CNTNAP2: variants seen among roughly 807,000 people sequenced by gnomAD.
CNTNAP2 encodes the protein contactin-associated protein-like 2.
In CNTNAP2, 98 loss-of-function variants were observed where a neutral mutation model predicts 155.2. The observed-to-expected ratio is 0.63, with a 90% CI of 0.54 to 0.75. The LOEUF (loss-of-function observed/expected upper bound fraction) is 0.75, where lower values mean the gene tolerates loss of function less well. CNTNAP2 is among the 30% of genes least tolerant of loss of function. CNTNAP2 has a pLI of 0.00. For synonymous variants in CNTNAP2, 651 were observed against 631.2 expected (o/e 1.03, Z -0.47); for missense variants, 1,727 against 1,688.1 (o/e 1.02, Z -0.40).
intron 13 of CNTNAP2, among the ~76,000 whole-genome samples, chr7:147,872,055 C>A (rs1403219329): frequency 6.6e-6 from 1 of 152,228 alleles, no homozygotes; most frequent in Non-Finnish European, 1.5e-5. Context: ...GAAAGAGAAT[C>A]TACTCCTCCT....
chr7:146,325,732 T>C (rs1801086946), intron 1 of CNTNAP2, among the ~76,000 whole-genome samples: 1 of 152,134 alleles, frequency 6.6e-6, no homozygotes, highest in Non-Finnish European at 1.5e-5. Context: ...TCTTTCCATC[T>C]TCCTTCATTC....
intron 22 of CNTNAP2, among the ~76,000 whole-genome samples, chr7:148,390,669 TC>T (rs113148152): frequency 8.7e-4 from 133 of 152,298 alleles, no homozygotes; most frequent in African/African-American, 3.1e-3. Context: ...ATCTTTCTGC[TC>T]CCATACCTGT....
chr7:148,063,635 T>G (rs1229033407), intron 15 of CNTNAP2, among the ~76,000 whole-genome samples: 1 of 151,794 alleles, frequency 6.6e-6, no homozygotes, highest in Non-Finnish European at 1.5e-5. Context: ...AGTGTTTAGT[T>G]ACATGGAAAA....
chr7:147,136,116 C>T (rs1465268797), intron 8 of CNTNAP2, among the ~76,000 whole-genome samples: 1 of 151,432 alleles, frequency 6.6e-6, no homozygotes, highest in Admixed American at 6.6e-5. Flanking sequence ...TAGAACAATA[C>T]TCAGTTGTCG....
chr7:146,434,807 A>G (rs1584923852), intron 1 of CNTNAP2, among the ~76,000 whole-genome samples: 1 of 151,742 alleles, frequency 6.6e-6, no homozygotes, highest in Non-Finnish European at 1.5e-5. Context: ...ATATTGTTTT[A>G]TACTTAATTC....
At chr7:146,809,425 G>A (rs146340351) in intron 2 of CNTNAP2, among the ~76,000 whole-genome samples, 2 of 151,926 alleles carry the variant, frequency 1.3e-5, no homozygotes, top group African/African-American at 2.4e-5. Context: ...GCAGTGGTGC[G>A]GTGTCGGCTC....
chr7:148,126,536 C>T (rs536145995), intron 16 of CNTNAP2, among the ~76,000 whole-genome samples: 16 of 152,064 alleles, frequency 1.1e-4, no homozygotes, highest in Middle Eastern at 3.4e-3. Context: ...GCAGTTTGGG[C>T]GGTAAGAAGA....
intron 3 of CNTNAP2, among the ~76,000 whole-genome samples, chr7:147,003,133 GT>G (rs1042109130): frequency 2.6e-5 from 4 of 151,936 alleles, no homozygotes; most frequent in African/African-American, 9.7e-5. Flanking sequence ...CATAAAGAGA[GT>G]GCTACATAAA....
At chr7:147,797,236 C>G (rs1797911981) in intron 13 of CNTNAP2, among the ~76,000 whole-genome samples, 1 of 152,226 alleles carries the variant, frequency 6.6e-6, no homozygotes, top group Non-Finnish European at 1.5e-5. Flanking sequence ...TCTGAGACAC[C>G]TGTGCTTATT....
intron 15 of CNTNAP2, among the ~76,000 whole-genome samples, chr7:147,997,701 G>A (rs140156930): frequency 3.0e-4 from 45 of 152,304 alleles, no homozygotes; most frequent in African/African-American, 1.1e-3. Context: ...GTGGGCTGCC[G>A]GGGAGGATGA....
At chr7:147,217,129 G>T (rs1477280444) in intron 8 of CNTNAP2, among the ~76,000 whole-genome samples, 11 of 151,914 alleles carry the variant, frequency 7.2e-5, no homozygotes, top group Non-Finnish European at 1.5e-5. Flanking sequence ...GAAAAAACAT[G>T]ATTTCTTCCT....
chr7:147,434,742 A>G (rs1223656552), intron 10 of CNTNAP2, among the ~76,000 whole-genome samples: 1 of 152,220 alleles, frequency 6.6e-6, no homozygotes. Context: ...CTTTAGTTGT[A>G]CATGGAGCAC....
intron 1 of CNTNAP2, among the ~76,000 whole-genome samples, chr7:146,384,908 T>C (rs1277376275): frequency 6.6e-6 from 1 of 152,204 alleles, no homozygotes; most frequent in Non-Finnish European, 1.5e-5. Context: ...ATAATAATAA[T>C]TGAGGGCGGT....
intron 12 of CNTNAP2, among the ~76,000 whole-genome samples, chr7:147,636,628 T>C (rs1795185468): frequency 1.3e-5 from 2 of 152,128 alleles, no homozygotes; most frequent in South Asian, 4.1e-4. Context: ...TGGTGTGTGA[T>C]ATTCTCCTTT....
intron 1 of CNTNAP2, among the ~76,000 whole-genome samples, chr7:146,492,539 C>G (rs1464445369): frequency 2.0e-5 from 3 of 152,106 alleles, no homozygotes; most frequent in African/African-American, 7.2e-5. Flanking sequence ...AGGTGTCAAA[C>G]CAACTCCTTT....
chr7:147,598,635 T>C (rs1235607893), intron 12 of CNTNAP2, among the ~76,000 whole-genome samples: 1 of 152,204 alleles, frequency 6.6e-6, no homozygotes, highest in Non-Finnish European at 1.5e-5. Flanking sequence ...CCCTACACTG[T>C]GAGCTTACTA....
intron 8 of CNTNAP2, among the ~76,000 whole-genome samples, chr7:147,292,769 CTGTTTGTT>C (rs142720201): frequency 6.6e-6 from 1 of 151,722 alleles, no homozygotes; most frequent in African/African-American, 2.4e-5. Context: ...GTGGTCATTT[CTGTTTGTT>C]TGTTTATTTG....
chr7:147,626,748 C>G (rs931595136), intron 12 of CNTNAP2, among the ~76,000 whole-genome samples: 1 of 152,200 alleles, frequency 6.6e-6, no homozygotes, highest in African/African-American at 2.4e-5. Context: ...TAGAATAACC[C>G]TGATCCCAGG....
intron 12 of CNTNAP2, among the ~76,000 whole-genome samples, chr7:147,612,794 A>G (rs1035634927): frequency 3.3e-5 from 5 of 152,154 alleles, no homozygotes; most frequent in Non-Finnish European, 7.3e-5. Context: ...AAGTGACATC[A>G]TGCATTAAAT....
Sources: allele counts gnomAD v4.1 joint callset (sites outside exome capture counted in the v4.1 genomes callset), GRCh38; gene constraint gnomAD v4.1.1; transcripts MANE v1.5; gene names NCBI Gene and HGNC (gene_info 2026-07-23, HGNC 2026-07-21).